Variants in METTL3 observed in about 807,000 individuals in gnomAD.
METTL3 encodes the protein N(6)-adenosine-methyltransferase catalytic subunit METTL3.
A neutral mutation model predicts 64.3 loss-of-function variants in METTL3; 42 were observed. The ratio of observed to expected loss-of-function variants is 0.65; its 90% CI spans 0.51 to 0.84. The LOEUF (loss-of-function observed/expected upper bound fraction) is 0.84, where lower values mean the gene tolerates loss of function less well. METTL3 is among the 40% of genes least tolerant of loss of function. The pLI, the probability that METTL3 is intolerant of heterozygous loss-of-function variation, is 0.00. For synonymous variants in METTL3, 256 were observed against 263.6 expected (o/e 0.97, Z 0.28); for missense variants, 435 against 722.3 (o/e 0.60, Z 4.56).
In METTL3 at chr14:21,511,293, G is replaced by C. The variant is rs1891833263; in HGVS notation, c.-70C>G. The C allele has an allele frequency of 1.9e-6, 3 of 1,541,010 alleles. No homozygotes were observed. Among genetic ancestry groups the C allele is most frequent in the East Asian group, 2.4e-5 (1 of 40,846 alleles). ...CTAGCACCTCCCAGCACTCGCTCCA[G>C]GATATAGCCAATTCTCACGCGGACA... On this transcript the variant is annotated 5_prime_UTR_variant, in exon 1 of 11. Transcript: ENST00000298717.
chr14:21,509,904 T>C (rs937932930), intron 1 of METTL3, among the ~76,000 whole-genome samples: 14 of 152,224 alleles, frequency 9.2e-5, no homozygotes, highest in African/African-American at 3.4e-4. Flanking sequence ...CTACTAATTA[T>C]TGCCTGACCA....
intron 4 of METTL3, 126 bp downstream of exon 4, chr14:21,501,601 TG>T: frequency 8.5e-7 from 1 of 1,169,686 alleles, no homozygotes; most frequent in Non-Finnish European, 1.2e-6. Flanking sequence ...CTTCAGGGTC[TG>T]GAGGACTTAC....
Position 21,503,439 on chromosome 14 carries a change from G to A in METTL3, c.457C>T (p.Leu153Phe). 1 of 1,614,076 alleles carries A rather than the reference G, an allele frequency of 6.2e-7. No individual in the cohort carries two copies. The highest frequency in any genetic ancestry group is 8.5e-7 in the Non-Finnish European group (1 of 1,180,046). ...GCCACAGCACCCATCATGGCAGAGA[G>A]CTTGGAATGGTCAGCATAGGTTACA... is the stretch of plus-strand genomic sequence containing the variant. ...TLVTYADHSKLSAMMGAVAEK... is the reference protein window; with the variant it reads ...TLVTYADHSKFSAMMGAVAEK... Residue 153 changes from leucine (L) to phenylalanine (F), a missense_variant, in exon 3 of 11, where the codon CTC becomes TTC. Physicochemically the swap from Leu to Phe is conservative, Grantham distance 22 (BLOSUM62 0). Coordinates refer to ENST00000298717, the MANE Select transcript of METTL3 (RefSeq NM_019852.5).
chr14:21,507,821 A>C (rs1278767119), intron 1 of METTL3: 1 of 152,244 alleles, frequency 6.6e-6, no homozygotes, highest in Non-Finnish European at 1.5e-5. Flanking sequence ...TGAAATAATC[A>C]AAATAACACA....
intron 1 of METTL3, 114 bp downstream of exon 1, chr14:21,511,010 G>A: frequency 4.1e-6 from 5 of 1,229,224 alleles, no homozygotes; most frequent in Non-Finnish European, 5.5e-6. Flanking sequence ...ACCAATGTAC[G>A]AGGCTTTATA....
At chr14:21,503,918 C>G (rs368142931) in intron 1 of METTL3, 37 bp from the exon 2 acceptor site, 12 of 1,585,540 alleles carry the variant, frequency 7.6e-6, no homozygotes, top group Non-Finnish European at 9.5e-6. Flanking sequence ...AAAAAGGCAA[C>G]CACTGTTGGT....
At chr14:21,499,660 C>T in intron 7 of METTL3, 60 bp from the exon 8 acceptor site, 1 of 1,579,870 alleles carries the variant, frequency 6.3e-7, no homozygotes, top group South Asian at 1.1e-5. Flanking sequence ...AGGGGTAGTA[C>T]CATTTATAGA....
rs573401076 is a variant in METTL3, at chr14:21,500,897, C to T, written c.1116+16G>A. On this transcript the variant is annotated intron_variant, in intron 5 of 10. Coordinates refer to ENST00000298717, the MANE Select transcript of METTL3 (RefSeq NM_019852.5). ...AAGTCCGTAAGTTGAGACGAGTTTT[C>T]TGAGCAGACAGGTACCTGAGGTGGG... is the stretch of plus-strand genomic sequence containing the variant. 6 of 1,607,428 alleles carry T rather than the reference C, an allele frequency of 3.7e-6. No homozygotes were observed. The South Asian group carries it at 5.5e-5, about 15-fold the overall frequency.
intron 1 of METTL3, chr14:21,507,650 T>C (rs1275938129): frequency 6.6e-6 from 1 of 151,682 alleles, no homozygotes; most frequent in Non-Finnish European, 1.5e-5. Flanking sequence ...GCAACAGATG[T>C]GGTAGGCAAA....
At chr14:21,498,630 C>T in intron 10 of METTL3, 1 of 525,360 alleles carries the variant, frequency 1.9e-6, no homozygotes, top group South Asian at 2.6e-5. Context: ...AGAGTTGCTA[C>T]CAGGGAGTAT....
At chr14:21,507,398 A>G (rs1283426476) in intron 1 of METTL3, among the ~76,000 whole-genome samples, 1 of 152,108 alleles carries the variant, frequency 6.6e-6, no homozygotes, top group African/African-American at 2.4e-5. Context: ...GGTGGCTCAC[A>G]CCTGTAATCC....
intron 1 of METTL3, among the ~76,000 whole-genome samples, chr14:21,505,489 T>A (rs1891676139): frequency 6.6e-6 from 1 of 152,228 alleles, no homozygotes; most frequent in Admixed American, 6.5e-5. Flanking sequence ...GAGGTTTTTT[T>A]TCCCCAACAT....
At chr14:21,511,008 A>T (rs1891821878) in intron 1 of METTL3, 116 bp downstream of exon 1, 1 of 1,212,358 alleles carries the variant, frequency 8.2e-7, no homozygotes, top group Non-Finnish European at 1.1e-6. Flanking sequence ...GTACCAATGT[A>T]CGAGGCTTTA....
In METTL3 at chr14:21,501,811, C is replaced by G. The variant is rs764583404; in HGVS notation, c.816G>C (p.Val272=). ...TGGTTCCATAGTCACAGAATTCTTGCACTTGGGCCCGACCTCGAGAGCGAA... is the reference window on the plus strand; with the variant it reads ...TGGTTCCATAGTCACAGAATTCTTGGACTTGGGCCCGACCTCGAGAGCGAA... The part of the protein sequence containing the change: ...EKFRSRGRAQ[V]QEFCDYGTKE... The change falls in exon 4 of 11, where the codon GTG becomes GTC. Residue 272 remains valine, a synonymous_variant. Coordinates refer to ENST00000298717, the MANE Select transcript of METTL3 (RefSeq NM_019852.5). 1.2e-6 allele frequency: 2 copies of G among 1,614,146 alleles called. No individual in the cohort carries two copies. The highest frequency in any genetic ancestry group is 1.7e-6 in the Non-Finnish European group (2 of 1,180,040).
intron 1 of METTL3, among the ~76,000 whole-genome samples, chr14:21,508,495 A>T (rs147600162): frequency 0.042 from 6,368 of 152,328 alleles, 188 homozygotes; most frequent in Non-Finnish European, 0.06. Flanking sequence ...TTTGGTTAAT[A>T]CCAAAATGTA....
rs764547089 is a variant in METTL3, at chr14:21,498,344, C to T, written c.1657G>A (p.Gly553Arg). ...NWITLGNQLD[G>R]IHLLDPDVVA... Reference sequence around the variant, plus strand: ...ACATCTGGGTCTAGTAGGTGGATCCCATCCAGTTGGTTTCCAAGGGTGATC... The same window carrying T: ...ACATCTGGGTCTAGTAGGTGGATCCTATCCAGTTGGTTTCCAAGGGTGATC... Residue 553 changes from glycine to arginine, a missense_variant, in exon 11 of 11, where the codon GGG becomes AGG. By Grantham distance (125) the Gly-to-Arg change is moderately radical. Transcript: ENST00000298717. 6 of 1,614,140 alleles carry T rather than the reference C, an allele frequency of 3.7e-6. No homozygotes were observed. In the Admixed American group the frequency reaches 8.3e-5, roughly 22 times the overall value.
chr14:21,498,874 T>C (rs959918168), intron 10 of METTL3, 151 bp downstream of exon 10: 25 of 616,414 alleles, frequency 4.1e-5, no homozygotes, highest in African/African-American at 1.1e-4. Context: ...TAGAATCTCA[T>C]AAAACAGTTT....
intron 3 of METTL3, 130 bp from the exon 4 acceptor site, chr14:21,502,033 T>TTTTTA: frequency 1.6e-6 from 1 of 636,420 alleles, no homozygotes; most frequent in South Asian, 2.0e-5. Flanking sequence ...TTTTTTTTTT[T>TTTTTA]AAGAGATGGG....
intron 3 of METTL3, 109 bp from the exon 4 acceptor site, chr14:21,502,012 C>A: frequency 3.7e-5 from 17 of 457,330 alleles, no homozygotes; most frequent in Non-Finnish European, 6.2e-5. Flanking sequence ...GATAAATCAA[C>A]TTTTTTTTTT....
Sources: gnomAD v4.1 joint callset for allele counts (sites outside exome capture counted in the v4.1 genomes callset) on GRCh38, gnomAD v4.1.1 for gene constraint, MANE v1.5 for transcripts, NCBI Gene and HGNC (gene_info 2026-07-23, HGNC 2026-07-21) for gene names.